MLLT3: variants seen among roughly 807,000 people sequenced by gnomAD.
MLLT3 encodes the protein protein AF-9.
A neutral mutation model predicts 53.2 loss-of-function variants in MLLT3; 4 were observed. The observed-to-expected ratio is 0.08, with a 90% CI of 0.04 to 0.17. The LOEUF is 0.17. MLLT3 is among the 10% of genes least tolerant of loss of function. The probability of loss-of-function intolerance (pLI) is 1.00; values close to 1 mark genes in which losing one functional copy is unlikely to be tolerated. For synonymous variants in MLLT3, 283 were observed against 230.6 expected (o/e 1.23, Z -2.06); for missense variants, 569 against 684.0 (o/e 0.83, Z 1.87).
chr9:20,585,294 T>G (rs926447595), intron 2 of MLLT3, among the ~76,000 whole-genome samples: 6 of 152,154 alleles, frequency 3.9e-5, no homozygotes, highest in African/African-American at 1.4e-4. Context: ...TGTACATATT[T>G]ATGGTACACA....
At chr9:20,542,015 A>G (rs1456499457) in intron 2 of MLLT3, among the ~76,000 whole-genome samples, 1 of 152,120 alleles carries the variant, frequency 6.6e-6, no homozygotes, top group East Asian at 1.9e-4. Context: ...AGAGGTTTTC[A>G]ATTTACTTTA....
Position 20,436,866 on chromosome 9 carries a change from A to G in MLLT3, c.420+11257T>C, listed in dbSNP as rs1333108571. 2.0e-5 allele frequency among the ~76,000 whole-genome samples: 3 copies of G among 152,138 alleles called. No individual in the cohort carries two copies. In the East Asian group the frequency reaches 5.8e-4, roughly 29 times the overall value. On this transcript the variant is annotated intron_variant, in intron 4 of 10. Coordinates refer to ENST00000380338, the MANE Select transcript of MLLT3 (RefSeq NM_004529.4). The stretch of plus-strand genomic sequence containing the variant: ...AATCTAAATGTATTAAAAATAATGA[A>G]AGTGTTCATGGGTTTTTCCTAAACA...
intron 2 of MLLT3, among the ~76,000 whole-genome samples, chr9:20,587,686 T>C (rs1820010250): frequency 6.6e-6 from 1 of 151,978 alleles, no homozygotes; most frequent in Non-Finnish European, 1.5e-5. Context: ...GTTGATGGGG[T>C]TGTTTGTTTT....
intron 8 of MLLT3, among the ~76,000 whole-genome samples, chr9:20,355,754 T>C (rs1428505262): frequency 6.6e-6 from 1 of 152,196 alleles, no homozygotes; most frequent in Non-Finnish European, 1.5e-5. Context: ...TTATAACTCA[T>C]TATGAAGTGA....
At chr9:20,441,452 T>G (rs1433556875) in intron 4 of MLLT3, among the ~76,000 whole-genome samples, 1 of 152,128 alleles carries the variant, frequency 6.6e-6, no homozygotes, top group Non-Finnish European at 1.5e-5. Context: ...TACTTAACAT[T>G]TATATGTATG....
In MLLT3 at chr9:20,524,796, G is replaced by T. The variant is rs139887116; in HGVS notation, c.194-68010C>A. 4.1e-3 allele frequency among the ~76,000 whole-genome samples: 623 copies of T among 152,250 alleles called. 5 individuals carry two copies. The highest frequency in any genetic ancestry group is 0.02 in the Middle Eastern group (6 of 294). ...CCTGCTGGGCACTGCTTGCCTGAAG[G>T]TTCCCCAACTCCACACCCCCTCTAC... On this transcript the variant is annotated intron_variant, in intron 2 of 10. Coordinates refer to ENST00000380338, the MANE Select transcript of MLLT3 (RefSeq NM_004529.4).
intron 4 of MLLT3, among the ~76,000 whole-genome samples, chr9:20,427,922 T>A (rs1046056533): frequency 2.0e-5 from 3 of 152,144 alleles, no homozygotes; most frequent in African/African-American, 7.2e-5. Flanking sequence ...CAGCACTTTC[T>A]AATTAGTTTA....
intron 10 of MLLT3, among the ~76,000 whole-genome samples, chr9:20,349,121 T>C (rs572212848): frequency 2.2e-4 from 34 of 152,310 alleles, no homozygotes; most frequent in African/African-American, 8.2e-4. Context: ...CAGTAGGTAA[T>C]TGACAAAGCA....
intron 2 of MLLT3, among the ~76,000 whole-genome samples, chr9:20,618,446 A>AATT (rs1300722502): frequency 6.6e-6 from 1 of 152,214 alleles, no homozygotes; most frequent in Non-Finnish European, 1.5e-5. Context: ...AATCATGTGT[A>AATT]ATTACAGTAT....
In MLLT3 at chr9:20,606,939, T is replaced by C. The variant is rs573221112; in HGVS notation, c.193+13715A>G. ...AAGCAAAAATAATGTCTTTCTACAA[T>C]AACATAAAGAAAACTCAGAGGTCTT... On this transcript the variant is annotated intron_variant, in intron 2 of 10. Transcript: ENST00000380338. Among the ~76,000 whole-genome samples the C allele has an allele frequency of 3.3e-5, 5 of 152,190 alleles. No homozygotes were observed. The South Asian group carries it at 8.3e-4, about 25-fold the overall frequency.
chr9:20,542,220 T>C (rs192123033), intron 2 of MLLT3, among the ~76,000 whole-genome samples: 8 of 150,778 alleles, frequency 5.3e-5, no homozygotes, highest in Non-Finnish European at 1.0e-4. Flanking sequence ...ACCAGGCACA[T>C]GGTCAATGAG....
intron 5 of MLLT3, among the ~76,000 whole-genome samples, chr9:20,367,965 T>A (rs1821500457): frequency 6.6e-6 from 1 of 152,200 alleles, no homozygotes; most frequent in South Asian, 2.1e-4. Context: ...ACAATTCACA[T>A]CCTCAGGCTT....
intron 2 of MLLT3, among the ~76,000 whole-genome samples, chr9:20,535,253 T>A (rs1818449933): frequency 6.6e-6 from 1 of 152,168 alleles, no homozygotes; most frequent in Admixed American, 6.5e-5. Context: ...CTTATAAGAA[T>A]CTAATGATGA....
At chr9:20,370,790 T>C (rs1478654833) in intron 5 of MLLT3, among the ~76,000 whole-genome samples, 1 of 152,100 alleles carries the variant, frequency 6.6e-6, no homozygotes, top group Non-Finnish European at 1.5e-5. Flanking sequence ...GGATTACAAG[T>C]GTGAGCCACT....
chr9:20,378,658 T>C (rs1821834096), intron 5 of MLLT3, among the ~76,000 whole-genome samples: 1 of 152,072 alleles, frequency 6.6e-6, no homozygotes, highest in Admixed American at 6.6e-5. Context: ...AATTATACAA[T>C]ATTAAGTGAA....
intron 2 of MLLT3, among the ~76,000 whole-genome samples, chr9:20,475,189 C>T (rs1042274501): frequency 1.1e-4 from 16 of 151,980 alleles, no homozygotes; most frequent in Non-Finnish European, 2.1e-4. Flanking sequence ...GATGGGATGG[C>T]AGCTCTAGTA....
chr9:20,361,455 T>C (rs1821319763), intron 7 of MLLT3, among the ~76,000 whole-genome samples: 1 of 152,178 alleles, frequency 6.6e-6, no homozygotes, highest in Non-Finnish European at 1.5e-5. Context: ...ATCTAAGGAT[T>C]GAACATGTGG....
chr9:20,415,496 GC>G, intron 4 of MLLT3: 1 of 923,054 alleles, frequency 1.1e-6, no homozygotes, highest in Non-Finnish European at 1.3e-6. Flanking sequence ...TCCTGGACAT[GC>G]AAAAATCCAC....
chr9:20,580,129 T>A (rs1290041706), intron 2 of MLLT3, among the ~76,000 whole-genome samples: 1 of 152,184 alleles, frequency 6.6e-6, no homozygotes, highest in African/African-American at 2.4e-5. Flanking sequence ...CTCATCTTAG[T>A]CATTCACACA....
Sources: gnomAD v4.1 joint callset for allele counts (sites outside exome capture counted in the v4.1 genomes callset) on GRCh38, gnomAD v4.1.1 for gene constraint, MANE v1.5 for transcripts, NCBI Gene and HGNC (gene_info 2026-07-23, HGNC 2026-07-21) for gene names.